Variants in CAST observed in about 807,000 individuals in gnomAD.
CAST encodes MIR583 host.
Under a neutral mutation model 119.6 loss-of-function variants are expected in CAST, and 76 were observed. The ratio of observed to expected loss-of-function variants is 0.64; its 90% CI spans 0.53 to 0.77. CAST has a LOEUF of 0.77. CAST is among the 30% of genes least tolerant of loss of function. The probability of loss-of-function intolerance (pLI) is 0.00; values close to 1 mark genes in which losing one functional copy is unlikely to be tolerated. For synonymous variants in CAST, 319 were observed against 331.6 expected (o/e 0.96, Z 0.41); for missense variants, 953 against 946.5 (o/e 1.01, Z -0.09).
chr5:96,722,331 C>A (rs1237709860), intron 3 of CAST, among the ~76,000 whole-genome samples: 3 of 152,076 alleles, frequency 2.0e-5, no homozygotes, highest in African/African-American at 7.2e-5. Context: ...GGGAGTAATT[C>A]TAATAATAAA....
chr5:96,317,188 G>A, the CAST span, among the ~76,000 whole-genome samples: 40 of 152,130 alleles, frequency 2.6e-4, no homozygotes, highest in South Asian at 1.2e-3. Flanking sequence ...TCCTGGCCAG[G>A]TGTGGTGGCT....
the CAST span, among the ~76,000 whole-genome samples, chr5:96,312,275 G>C: frequency 0.25 from 38,643 of 151,896 alleles, 5,642 homozygotes; most frequent in Admixed American, 0.39. Flanking sequence ...TTTCTCTACA[G>C]GCTCTCCTTT....
At chr5:95,989,021 C>T in the CAST span, among the ~76,000 whole-genome samples, 2 of 152,106 alleles carry the variant, frequency 1.3e-5, no homozygotes, top group Non-Finnish European at 2.9e-5. Flanking sequence ...TTTATAGTTC[C>T]TATGTTACAT....
chr5:96,216,119 A>G, the CAST span, among the ~76,000 whole-genome samples: 1 of 152,120 alleles, frequency 6.6e-6, no homozygotes, highest in Non-Finnish European at 1.5e-5. Flanking sequence ...TGATTTTCTT[A>G]ATAAGATTTA....
the CAST span, among the ~76,000 whole-genome samples, chr5:96,058,457 C>T: frequency 2.0e-5 from 3 of 152,094 alleles, no homozygotes; most frequent in Non-Finnish European, 4.4e-5. Context: ...AACCAAGGGT[C>T]CTCCTCAGTC....
At chr5:96,769,389 T>A (rs1771323247) in intron 29 of CAST, 1 of 135,204 alleles carries the variant, frequency 7.4e-6, no homozygotes, top group African/African-American at 2.6e-5. Flanking sequence ...AAACAGGGTT[T>A]TTTTTTGTTT....
intron 9 of CAST, 134 bp downstream of exon 9, chr5:96,730,994 T>A: frequency 1.5e-6 from 1 of 673,360 alleles, no homozygotes; most frequent in Non-Finnish European, 2.7e-6. Flanking sequence ...GTGAAGAGCA[T>A]GCATTTAAGG....
chr5:96,406,232 A>G, the CAST span, among the ~76,000 whole-genome samples: 1 of 152,220 alleles, frequency 6.6e-6, no homozygotes, highest in Non-Finnish European at 1.5e-5. Context: ...GCCGAAGGCC[A>G]CATAGCTAGT....
chr5:96,540,664 C>T (rs571105577), intron 1 of CAST, among the ~76,000 whole-genome samples: 4 of 152,072 alleles, frequency 2.6e-5, no homozygotes, highest in Non-Finnish European at 4.4e-5. Context: ...CTTCTGTTTC[C>T]GGATCTCATC....
chr5:96,216,903 A>T, the CAST span, among the ~76,000 whole-genome samples: 1 of 152,294 alleles, frequency 6.6e-6, no homozygotes, highest in South Asian at 2.1e-4. Context: ...TTAACAACTC[A>T]ACTGATTCTC....
the CAST span, among the ~76,000 whole-genome samples, chr5:96,355,601 C>T: frequency 6.6e-6 from 1 of 152,126 alleles, no homozygotes; most frequent in African/African-American, 2.4e-5. Context: ...AAGGAATCGC[C>T]ACCCTGTCTT....
At chr5:96,325,431 T>C in the CAST span, among the ~76,000 whole-genome samples, 1 of 151,150 alleles carries the variant, frequency 6.6e-6, no homozygotes, top group Admixed American at 6.6e-5. Context: ...TCCTTCTTTC[T>C]TTTCTTTCTT....
At chr5:96,731,473 G>GTTTTTTTTTTTTTTTTTTTATTT (rs201905440) in intron 9 of CAST, among the ~76,000 whole-genome samples, 1 of 112,760 alleles carries the variant, frequency 8.9e-6, no homozygotes, top group African/African-American at 3.4e-5. Flanking sequence ...ATCCTTTAAG[G>GTTTTTTTTTTTTTTTTTTTATTT]TTTTTTTTTT....
chr5:95,970,912 T>C, the CAST span, among the ~76,000 whole-genome samples: 1 of 152,200 alleles, frequency 6.6e-6, no homozygotes, highest in African/African-American at 2.4e-5. Context: ...ACAAAAAATA[T>C]AAGAAGTATA....
chr5:96,109,326 T>C, the CAST span, among the ~76,000 whole-genome samples: 1 of 152,248 alleles, frequency 6.6e-6, no homozygotes, highest in Non-Finnish European at 1.5e-5. Flanking sequence ...GATATTTGCA[T>C]TAGGAAATAA....
chr5:96,440,839 T>C, the CAST span, among the ~76,000 whole-genome samples: 1 of 152,190 alleles, frequency 6.6e-6, no homozygotes, highest in South Asian at 2.1e-4. Flanking sequence ...TTAATTTTAT[T>C]TGCAAAGCTA....
the CAST span, among the ~76,000 whole-genome samples, chr5:96,086,861 G>A: frequency 6.6e-6 from 1 of 152,158 alleles, no homozygotes; most frequent in African/African-American, 2.4e-5. Context: ...GCAGTATCAA[G>A]TTACTACTAC....
At chr5:96,508,240 A>G in the CAST span, among the ~76,000 whole-genome samples, 1 of 152,234 alleles carries the variant, frequency 6.6e-6, no homozygotes, top group Admixed American at 6.5e-5. Flanking sequence ...GGAGCAAGCC[A>G]GGCCCAAATT....
chr5:96,616,721 G>A (rs891083877), intron 1 of CAST, among the ~76,000 whole-genome samples: 10 of 140,432 alleles, frequency 7.1e-5, no homozygotes, highest in African/African-American at 1.2e-4. Flanking sequence ...GACACCAAGC[G>A]CTCGCTCGCT....
Sources: allele counts gnomAD v4.1 joint callset (sites outside exome capture counted in the v4.1 genomes callset), GRCh38; gene constraint gnomAD v4.1.1; transcripts MANE v1.5; gene names NCBI Gene and HGNC (gene_info 2026-07-23, HGNC 2026-07-21).